The following HTN3 variants were observed in gnomAD, a reference collection of about 807,000 sequenced individuals.
The protein encoded by HTN3 is histatin-3.
HTN3 carries 15 observed loss-of-function variants against 10.6 expected under a neutral mutation model. That is an observed-to-expected ratio of 1.42 (90% CI 0.95 to 2.18). HTN3 has a LOEUF of 2.18. Among genes scored for constraint, HTN3 ranks in the 30% most tolerant of loss-of-function variants. HTN3 has a pLI of 0.00. For missense variants in HTN3, 68 were observed against 58.0 expected (o/e 1.17, Z -0.56); for synonymous variants, 15 against 16.9 (o/e 0.89, Z 0.27).
At chr4:70,033,288 T>C (rs781199082) in intron 5 of HTN3, 35 bp downstream of exon 5, 18 of 943,504 alleles carry the variant, frequency 1.9e-5, no homozygotes, top group Non-Finnish European at 2.8e-5. Flanking sequence ...TTTCTAGAAG[T>C]ATCAACACTG....
chr4:70,028,730 T>A (rs1357447258), intron 1 of HTN3, among the ~76,000 whole-genome samples: 1 of 152,136 alleles, frequency 6.6e-6, no homozygotes, highest in Admixed American at 6.6e-5. Flanking sequence ...ATGTGGAATA[T>A]GGCAATGTAT....
intron 5 of HTN3, among the ~76,000 whole-genome samples, chr4:70,034,654 A>G (rs1370189138): frequency 6.6e-6 from 1 of 152,212 alleles, no homozygotes; most frequent in African/African-American, 2.4e-5. Context: ...TTCCTCAAGG[A>G]TCTAGAACCA....
chr4:70,032,973 A>G (rs1725423828), intron 4 of HTN3, among the ~76,000 whole-genome samples, 194 bp from the exon 5 acceptor site: 1 of 152,136 alleles, frequency 6.6e-6, no homozygotes, highest in Non-Finnish European at 1.5e-5. Flanking sequence ...ATACTTTATC[A>G]TTTTTACTTG....
intron 5 of HTN3, among the ~76,000 whole-genome samples, chr4:70,035,115 T>C (rs1436517005): frequency 2.0e-5 from 3 of 152,124 alleles, no homozygotes; most frequent in Non-Finnish European, 4.4e-5. Flanking sequence ...TGTATACCTA[T>C]GAAACAATCC....
Position 70,033,217 on chromosome 4 carries a change from T to A in HTN3, c.153T>A (p.Asn51Lys). Residue 51 changes from asparagine (N) to lysine (K), a missense_variant, in exon 5 of 6, where the codon AAT becomes AAA. By Grantham distance (94) the Asn-to-Lys change is moderately conservative. Transcript: ENST00000673563. ...ATAGATCAAATTATCTGTATGACAA[T>A]TGATATCTTCAGTAATCACGGGGCA... ...RGYRSNYLYD[N>K] 1 of 1,587,798 alleles carries A rather than the reference T, an allele frequency of 6.3e-7. No individual in the cohort carries two copies. Among genetic ancestry groups the A allele is most frequent in the Non-Finnish European group, 8.6e-7 (1 of 1,160,124 alleles).
intron 5 of HTN3, among the ~76,000 whole-genome samples, chr4:70,034,809 CA>C (rs1374016345): frequency 6.6e-6 from 1 of 152,172 alleles, no homozygotes; most frequent in Non-Finnish European, 1.5e-5. Context: ...AAATGCCCAT[CA>C]ATGATAGACT....
Position 70,030,775 on chromosome 4 carries a change from T to C in HTN3, c.35T>C (p.Leu12Pro), listed in dbSNP as rs1725366991. 3 of 1,612,278 alleles carry C rather than the reference T, an allele frequency of 1.9e-6. No individual in the cohort carries two copies. Among genetic ancestry groups the C allele is most frequent in the African/African-American group, 1.3e-5 (1 of 74,892 alleles). ...KFFVFALILA[L>P]MLSMTGADSH... Reference sequence around the variant, plus strand: ...TTTGTTTTTGCTTTAATCTTGGCTCTCATGCTTTCCATGACTGTAAGTATA... The same window carrying C: ...TTTGTTTTTGCTTTAATCTTGGCTCCCATGCTTTCCATGACTGTAAGTATA... Residue 12 changes from leucine to proline, a missense_variant, in exon 2 of 6, where the codon CTC becomes CCC. Coordinates refer to ENST00000673563, the MANE Select transcript of HTN3 (RefSeq NM_000200.3).
chr4:70,033,756 T>C (rs1298000228), intron 5 of HTN3: 1 of 152,246 alleles, frequency 6.6e-6, no homozygotes, highest in East Asian at 1.9e-4. Context: ...GGAATGTTTT[T>C]CCATTTGTTT....
intron 5 of HTN3, chr4:70,033,952 G>A (rs569447716): frequency 1.8e-4 from 28 of 152,042 alleles, no homozygotes; most frequent in South Asian, 6.2e-4. Context: ...ACAAGCAATG[G>A]GAAAAGGATC....
chr4:70,033,313 GA>G, intron 5 of HTN3, 60 bp downstream of exon 5: 1 of 791,480 alleles, frequency 1.3e-6, no homozygotes, highest in Non-Finnish European at 2.0e-6. Flanking sequence ...TTAAAACAAG[GA>G]AAAATTAAAA....
intron 5 of HTN3, among the ~76,000 whole-genome samples, chr4:70,034,859 T>A (rs1260011742): frequency 1.3e-5 from 2 of 152,166 alleles, no homozygotes; most frequent in Non-Finnish European, 2.9e-5. Context: ...CATGGAACAC[T>A]ATGCGGTCAT....
chr4:70,033,958 G>C (rs1317291985), intron 5 of HTN3: 1 of 151,984 alleles, frequency 6.6e-6, no homozygotes. Context: ...AATGGGAAAA[G>C]GATCTCCTAG....
At chr4:70,030,021 C>T (rs944227999) in intron 1 of HTN3, among the ~76,000 whole-genome samples, 68 of 152,288 alleles carry the variant, frequency 4.5e-4, no homozygotes, top group African/African-American at 1.6e-3. Flanking sequence ...TGTCTTTACA[C>T]TGTACTTTAA....
At chr4:70,035,648 G>T (rs983805144) in intron 5 of HTN3, among the ~76,000 whole-genome samples, 1 of 152,058 alleles carries the variant, frequency 6.6e-6, no homozygotes, top group African/African-American at 2.4e-5. Context: ...ATATGATATG[G>T]TAACAATGTC....
At chr4:70,035,238 G>T (rs777538907) in intron 5 of HTN3, among the ~76,000 whole-genome samples, 1 of 152,178 alleles carries the variant, frequency 6.6e-6, no homozygotes, top group South Asian at 2.1e-4. Context: ...CAGAGTTCTG[G>T]GTAGGGGAAC....
chr4:70,031,050 G>A, intron 2 of HTN3: 3 of 319,112 alleles, frequency 9.4e-6, no homozygotes, highest in Non-Finnish European at 1.1e-5. Flanking sequence ...TAAATATGTG[G>A]GACTGAGAAC....
chr4:70,029,777 T>TTTC (rs1553892588), intron 1 of HTN3, among the ~76,000 whole-genome samples: 3 of 151,854 alleles, frequency 2.0e-5, no homozygotes, highest in African/African-American at 4.8e-5. Context: ...CAGATGAGGC[T>TTTC]TTGAATAATA....
intron 1 of HTN3, among the ~76,000 whole-genome samples, chr4:70,029,887 T>C (rs1274243997): frequency 6.6e-6 from 1 of 152,176 alleles, no homozygotes; most frequent in African/African-American, 2.4e-5. Flanking sequence ...CTCTAACCAA[T>C]ACCATTAATG....
intron 1 of HTN3, among the ~76,000 whole-genome samples, chr4:70,030,494 T>C (rs1725356440): frequency 6.6e-6 from 1 of 152,152 alleles, no homozygotes; most frequent in African/African-American, 2.4e-5. Flanking sequence ...TAGCTTGTCA[T>C]GGTGTCACAC....
Sources: gnomAD v4.1 joint callset for allele counts (sites outside exome capture counted in the v4.1 genomes callset) on GRCh38, gnomAD v4.1.1 for gene constraint, MANE v1.5 for transcripts, NCBI Gene and HGNC (gene_info 2026-07-23, HGNC 2026-07-21) for gene names.